CACNG4: variants seen among roughly 807,000 people sequenced by gnomAD.
The protein encoded by CACNG4 is calcium voltage-gated channel auxiliary subunit gamma 4, also known as voltage-dependent calcium channel gamma-4 subunit.
CACNG4 carries 8 observed loss-of-function variants against 22.9 expected under a neutral mutation model. The ratio of observed to expected loss-of-function variants is 0.35; its 90% CI spans 0.21 to 0.63. The LOEUF (loss-of-function observed/expected upper bound fraction) is 0.63, where lower values mean the gene tolerates loss of function less well. Ranked by LOEUF, CACNG4 falls within the 30% of genes least tolerant of loss-of-function variation. The pLI is 0.72. For missense variants in CACNG4, 357 were observed against 455.4 expected (o/e 0.78, Z 1.97); for synonymous variants, 188 against 191.9 (o/e 0.98, Z 0.17).
At chr17:66,978,684 A>G (rs2035252844) in intron 1 of CACNG4, among the ~76,000 whole-genome samples, 2 of 152,130 alleles carry the variant, frequency 1.3e-5, no homozygotes, top group African/African-American at 4.8e-5. Flanking sequence ...ACAAGTGCAC[A>G]TTGACGGCCC....
In CACNG4 at chr17:67,019,199, G is replaced by A. The variant is rs182806280; in HGVS notation, c.304+927G>A. ...TTCACTCTGCACCTGCTTATGGATC[G>A]TTTTTTCTAAGAGAAAGGATTTTGA... On this transcript the variant is annotated intron_variant, in intron 2 of 3. Coordinates refer to ENST00000262138, the MANE Select transcript of CACNG4 (RefSeq NM_014405.4). 3.7e-3 allele frequency among the ~76,000 whole-genome samples: 566 copies of A among 152,212 alleles called. 4 individuals are homozygous for A. The highest frequency in any genetic ancestry group is 0.013 in the African/African-American group (534 of 41,534).
chr17:67,006,534 G>A (rs2035439048), intron 1 of CACNG4, among the ~76,000 whole-genome samples: 1 of 152,032 alleles, frequency 6.6e-6, no homozygotes, highest in Non-Finnish European at 1.5e-5. Context: ...CGCCTGGGCC[G>A]CCATATGCCA....
intron 1 of CACNG4, among the ~76,000 whole-genome samples, chr17:67,014,473 C>T (rs921223967): frequency 1.3e-5 from 2 of 152,156 alleles, no homozygotes; most frequent in African/African-American, 4.8e-5. Flanking sequence ...TACCCAGTCC[C>T]ATTAACAGAA....
intron 1 of CACNG4, among the ~76,000 whole-genome samples, chr17:66,974,521 T>C (rs1275985800): frequency 6.6e-6 from 1 of 152,096 alleles, no homozygotes; most frequent in Admixed American, 6.5e-5. Context: ...TGAGTTCTTG[T>C]TGATGTCTGG....
intron 1 of CACNG4, among the ~76,000 whole-genome samples, chr17:66,976,839 C>A (rs1598102668): frequency 6.6e-6 from 1 of 152,232 alleles, no homozygotes; most frequent in East Asian, 1.9e-4. Flanking sequence ...AAGGAGGAGC[C>A]TGCTGGTGGT....
In CACNG4 at chr17:66,968,361, A is replaced by G. The variant is rs550460787; in HGVS notation, c.220+3230A>G. ...TGCACAACGGATACATAAATTGCGT[A>G]ACACACCTTTTCCCTTCTTTTCTCT... On this transcript the variant is annotated intron_variant, in intron 1 of 3. Coordinates refer to ENST00000262138, the MANE Select transcript of CACNG4 (RefSeq NM_014405.4). Among the ~76,000 whole-genome samples the G allele has an allele frequency of 1.6e-4, 24 of 152,180 alleles. 1 individual carries two copies. The highest frequency in any genetic ancestry group is 1.4e-3 in the Admixed American group (22 of 15,294).
intron 1 of CACNG4, among the ~76,000 whole-genome samples, chr17:67,004,548 T>C (rs1381272511): frequency 6.6e-6 from 1 of 152,060 alleles, no homozygotes; most frequent in African/African-American, 2.4e-5. Context: ...CATGCTTATT[T>C]TCGTGTCTTA....
At chr17:67,022,992 G>A (rs915734412) in intron 2 of CACNG4, among the ~76,000 whole-genome samples, 1 of 152,206 alleles carries the variant, frequency 6.6e-6, no homozygotes, top group Non-Finnish European at 1.5e-5. Context: ...GTCATGGTGT[G>A]GAAGCCAGAA....
At chr17:67,015,256 G>A (rs993025435) in intron 1 of CACNG4, among the ~76,000 whole-genome samples, 23 of 152,218 alleles carry the variant, frequency 1.5e-4, no homozygotes, top group African/African-American at 5.5e-4. Flanking sequence ...GTTAGGCTGA[G>A]TGAGAACAGC....
At chr17:67,021,788 G>A (rs1481697061) in intron 2 of CACNG4, 2 of 152,378 alleles carry the variant, frequency 1.3e-5, no homozygotes, top group Non-Finnish European at 2.9e-5. Context: ...CCGGGGGTGA[G>A]TTAGAAGGAA....
In CACNG4 at chr17:66,993,287, T is replaced by C. The variant is rs1260958339; in HGVS notation, c.221-24902T>C. On this transcript the variant is annotated intron_variant, in intron 1 of 3. Coordinates refer to ENST00000262138, the MANE Select transcript of CACNG4 (RefSeq NM_014405.4). ...AGCGGTCCTGTGAATTAAGGCTCAG[T>C]TGGAGACGAAGCTCTGAGTGGCTGG... Among the ~76,000 whole-genome samples the C allele has an allele frequency of 2.0e-5, 3 of 152,216 alleles. No homozygotes were observed. In the East Asian group the frequency reaches 5.8e-4, roughly 29 times the overall value.
At chr17:66,995,166 C>T (rs1169608635) in intron 1 of CACNG4, among the ~76,000 whole-genome samples, 2 of 152,154 alleles carry the variant, frequency 1.3e-5, no homozygotes, top group Non-Finnish European at 2.9e-5. Flanking sequence ...TGCCCCGGGT[C>T]GTGGCACCGT....
chr17:67,004,233 A>G (rs906135961), intron 1 of CACNG4, among the ~76,000 whole-genome samples: 3 of 152,272 alleles, frequency 2.0e-5, no homozygotes, highest in Non-Finnish European at 4.4e-5. Context: ...CACAGAGACA[A>G]TAACTGAATA....
At chr17:67,001,308 A>G (rs35835795) in intron 1 of CACNG4, among the ~76,000 whole-genome samples, 31,265 of 151,936 alleles carry the variant, frequency 0.21, 3,497 homozygotes, top group South Asian at 0.34. Flanking sequence ...ATGAGAACAG[A>G]CTAATACACA....
chr17:67,007,808 A>T (rs1191521085), intron 1 of CACNG4, among the ~76,000 whole-genome samples: 1 of 152,222 alleles, frequency 6.6e-6, no homozygotes, highest in Non-Finnish European at 1.5e-5. Flanking sequence ...CTCATGTAAC[A>T]GTCCAAATGG....
In CACNG4 at chr17:67,031,639, G is replaced by A. The variant is rs1431163800; in HGVS notation, c.*635G>A. ...CGCTGTCCCGGGGCCAGCTTCCCTC[G>A]ACCTGGGGAGGCCGTGGCCTGTGGA... On this transcript the variant is annotated 3_prime_UTR_variant, in exon 4 of 4. Coordinates refer to ENST00000262138, the MANE Select transcript of CACNG4 (RefSeq NM_014405.4). This position sits in a 1 kb window ranked among gnomAD's most constrained non-coding sequence, Gnocchi z 4.0. 9 of 456,644 alleles carry A rather than the reference G, an allele frequency of 2.0e-5. No individual in the cohort carries two copies. The highest frequency in any genetic ancestry group is 6.2e-5 in the South Asian group (4 of 64,572). The allele number at this position is 456,644 out of a possible 1,614,324, so 28.3% of individuals were successfully genotyped here. A position where few individuals can be genotyped will look rare whatever the true frequency, so the allele number is the denominator to read the frequency against.
intron 1 of CACNG4, among the ~76,000 whole-genome samples, chr17:66,997,990 C>T (rs554214796): frequency 1.6e-4 from 25 of 151,930 alleles, no homozygotes; most frequent in African/African-American, 5.1e-4. Context: ...ATTAGGAGGG[C>T]GTGAGAGAGA....
intron 1 of CACNG4, among the ~76,000 whole-genome samples, chr17:66,972,905 GAC>G (rs769410787): frequency 1.1e-4 from 16 of 151,286 alleles, no homozygotes; most frequent in Non-Finnish European, 7.4e-5. Context: ...CAGCCTGGGT[GAC>G]AGAGTGAGAC....
intron 1 of CACNG4, 98 bp from the exon 2 acceptor site, chr17:67,018,091 T>C (rs924559968): frequency 2.2e-6 from 2 of 898,692 alleles, no homozygotes; most frequent in East Asian, 2.4e-5. Flanking sequence ...CCCCAGGACC[T>C]GCACAGAGGC....
Sources: allele counts gnomAD v4.1 joint callset (sites outside exome capture counted in the v4.1 genomes callset), GRCh38; gene constraint gnomAD v4.1.1; non-coding constraint Gnocchi (gnomAD v3.1); transcripts MANE v1.5; gene names NCBI Gene and HGNC (gene_info 2026-07-23, HGNC 2026-07-21).